SLC25A13: variants seen among roughly 807,000 people sequenced by gnomAD.
SLC25A13 encodes the protein electrogenic aspartate/glutamate antiporter SLC25A13, mitochondrial.
In SLC25A13, 70 loss-of-function variants were observed where a neutral mutation model predicts 85.5. The ratio of observed to expected loss-of-function variants is 0.82; its 90% confidence interval spans 0.68 to 1.00. The LOEUF (loss-of-function observed/expected upper bound fraction) is 1.00, where lower values mean the gene tolerates loss of function less well. Among genes scored for constraint, SLC25A13 ranks in the 50% least tolerant of loss-of-function variants. The probability of loss-of-function intolerance (pLI) is 0.00; values close to 1 mark genes in which losing one functional copy is unlikely to be tolerated. For missense variants in SLC25A13, 765 were observed against 819.8 expected (o/e 0.93, Z 0.82); for synonymous variants, 259 against 288.7 (o/e 0.90, Z 1.04).
At position 96,208,976 on chromosome 7, in the gene SLC25A13, C is replaced by T. The variant is rs200987267; in HGVS notation, c.330G>A (p.Glu110=). The change falls in exon 5 of 18, where the codon GAG becomes GAA. Residue 110 remains glutamate, a splice_region_variant and synonymous_variant. Coordinates refer to ENST00000265631, the MANE Select transcript of SLC25A13 (RefSeq NM_014251.3). ...DKAGKGEVTF[E]DVKQVFGQTT... Reference sequence around the variant, plus strand: ...TCTGTCCAAAAACTTGCTTAACATCCTCTGAAAAGAGAAAAGACAGGTTGA... The same window carrying T: ...TCTGTCCAAAAACTTGCTTAACATCTTCTGAAAAGAGAAAAGACAGGTTGA... 1 of 1,613,868 alleles carries T rather than the reference C, an allele frequency of 6.2e-7. No individual in the cohort carries two copies. Among genetic ancestry groups the T allele is most frequent in the Non-Finnish European group, 8.5e-7 (1 of 1,179,922 alleles).
chr7:96,139,235 A>T (rs1014258816), intron 14 of SLC25A13, among the ~76,000 whole-genome samples: 11 of 151,750 alleles, frequency 7.2e-5, no homozygotes, highest in East Asian at 1.9e-4. Context: ...AAAAAGAAAA[A>T]TTTTTTTTTC....
intron 17 of SLC25A13, 70 bp downstream of exon 17, chr7:96,121,585 T>TA: frequency 1.3e-6 from 2 of 1,482,106 alleles, no homozygotes; most frequent in Non-Finnish European, 1.9e-6. Context: ...TAGACTGAGG[T>TA]ACCTTTCCCT....
chr7:96,207,562 A>G (rs1239824608), intron 5 of SLC25A13, among the ~76,000 whole-genome samples: 2 of 152,202 alleles, frequency 1.3e-5, no homozygotes, highest in African/African-American at 4.8e-5. Context: ...CCCTTACATG[A>G]GTCTTTTTAA....
intron 9 of SLC25A13, 67 bp from the exon 10 acceptor site, chr7:96,185,078 T>C (rs1794579528): frequency 1.6e-6 from 2 of 1,279,694 alleles, no homozygotes; most frequent in Non-Finnish European, 2.2e-6. Flanking sequence ...AAAACAAAAA[T>C]GACCATACAT....
chr7:96,236,998 C>T (rs1562867489), intron 3 of SLC25A13, among the ~76,000 whole-genome samples: 1 of 152,196 alleles, frequency 6.6e-6, no homozygotes, highest in Non-Finnish European at 1.5e-5. Flanking sequence ...AATGCCACCA[C>T]TGTCCAAAGG....
chr7:96,176,626 T>G (rs996638788), intron 11 of SLC25A13, among the ~76,000 whole-genome samples: 1 of 152,160 alleles, frequency 6.6e-6, no homozygotes. Flanking sequence ...GAGCTGAAGG[T>G]GTGGGGACCA....
At chr7:96,129,537 A>T (rs983303724) in intron 15 of SLC25A13, among the ~76,000 whole-genome samples, 1 of 152,246 alleles carries the variant, frequency 6.6e-6, no homozygotes, top group African/African-American at 2.4e-5. Context: ...GGAAAAAATT[A>T]AAGTATCTAA....
intron 13 of SLC25A13, among the ~76,000 whole-genome samples, chr7:96,163,731 G>GT (rs1263743391): frequency 6.6e-6 from 1 of 152,150 alleles, no homozygotes; most frequent in Non-Finnish European, 1.5e-5. Flanking sequence ...AAATCAATCA[G>GT]TAGAGAAATG....
chr7:96,174,326 T>G (rs1479836922), intron 11 of SLC25A13, among the ~76,000 whole-genome samples: 2 of 152,208 alleles, frequency 1.3e-5, no homozygotes, highest in African/African-American at 2.4e-5. Context: ...AAAACGGGAA[T>G]ATGCAACCAT....
intron 2 of SLC25A13, among the ~76,000 whole-genome samples, chr7:96,293,588 A>C (rs940887891): frequency 6.6e-6 from 1 of 152,246 alleles, no homozygotes; most frequent in African/African-American, 2.4e-5. Flanking sequence ...CACAAGAAAA[A>C]AACAAACAAC....
At chr7:96,228,757 C>T (rs556488954) in intron 4 of SLC25A13, among the ~76,000 whole-genome samples, 3 of 152,152 alleles carry the variant, frequency 2.0e-5, no homozygotes, top group Admixed American at 1.3e-4. Context: ...CGTGGGCCAG[C>T]GTGAGTTCTG....
At chr7:96,317,795 A>T (rs2117040533) in intron 1 of SLC25A13, among the ~76,000 whole-genome samples, 1 of 131,714 alleles carries the variant, frequency 7.6e-6, no homozygotes, top group East Asian at 2.1e-4. Flanking sequence ...TTATTATTTT[A>T]TTTTACTTTA....
chr7:96,135,858 GTTTT>G (rs57884645), intron 14 of SLC25A13, among the ~76,000 whole-genome samples: 6 of 132,978 alleles, frequency 4.5e-5, no homozygotes, highest in Admixed American at 7.5e-5. Context: ...TCCTGCTTTG[GTTTT>G]TTTTTTTTTT....
chr7:96,240,287 T>C (rs1019097785), intron 3 of SLC25A13, among the ~76,000 whole-genome samples: 1 of 152,116 alleles, frequency 6.6e-6, no homozygotes, highest in Non-Finnish European at 1.5e-5. Context: ...CTTACTGAAA[T>C]TGCGAACACA....
At chr7:96,147,662 G>A (rs1023808763) in intron 13 of SLC25A13, among the ~76,000 whole-genome samples, 1 of 152,144 alleles carries the variant, frequency 6.6e-6, no homozygotes, top group South Asian at 2.1e-4. Context: ...GGCCTTTGAA[G>A]TATTATTTAT....
At chr7:96,255,660 C>A (rs572449096) in intron 3 of SLC25A13, among the ~76,000 whole-genome samples, 22 of 152,170 alleles carry the variant, frequency 1.4e-4, no homozygotes, top group African/African-American at 4.6e-4. Flanking sequence ...ACACTTCAGC[C>A]TGGACAACAG....
At chr7:96,122,149 C>A in intron 15 of SLC25A13, 152 bp from the exon 16 acceptor site, 1 of 978,924 alleles carries the variant, frequency 1.0e-6, no homozygotes, top group South Asian at 1.5e-5. Flanking sequence ...TGCAACCATG[C>A]CTCTCCTGTG....
chr7:96,184,812 C>T, intron 10 of SLC25A13, 115 bp downstream of exon 10: 1 of 905,902 alleles, frequency 1.1e-6, no homozygotes, highest in Non-Finnish European at 1.8e-6. Context: ...AAACTGATAA[C>T]TGGCATTGGG....
chr7:96,163,194 T>G (rs913700563), intron 13 of SLC25A13, among the ~76,000 whole-genome samples: 3 of 152,232 alleles, frequency 2.0e-5, no homozygotes, highest in African/African-American at 7.2e-5. Context: ...GCACTGGCAG[T>G]GACCTTCAAG....
Sources: gnomAD v4.1 joint callset for allele counts (sites outside exome capture counted in the v4.1 genomes callset) on GRCh38, gnomAD v4.1.1 for gene constraint, MANE v1.5 for transcripts, NCBI Gene and HGNC (gene_info 2026-07-23, HGNC 2026-07-21) for gene names.